Variants in ECHDC2 observed in about 807,000 individuals in gnomAD.
ECHDC2 encodes the protein enoyl-CoA hydratase domain-containing protein 2, mitochondrial.
ECHDC2 carries 34 observed loss-of-function variants against 40.6 expected under a neutral mutation model. The ratio of observed to expected loss-of-function variants is 0.84; its 90% CI spans 0.64 to 1.11. The LOEUF (loss-of-function observed/expected upper bound fraction) is 1.11, where lower values mean the gene tolerates loss of function less well. Ranked by LOEUF, ECHDC2 falls within the 50% of genes most tolerant of loss-of-function variation. The pLI is 0.00. For synonymous variants in ECHDC2, 162 were observed against 166.6 expected (o/e 0.97, Z 0.21); for missense variants, 392 against 400.7 (o/e 0.98, Z 0.19).
rs1451267361 is a variant in ECHDC2 at position 52,896,580 on chromosome 1, G to A, written c.819C>T (p.Asp273=). The A allele has an allele frequency of 6.2e-7, 1 of 1,614,072 alleles. No homozygotes were observed. The highest frequency in any genetic ancestry group is 8.5e-7 in the Non-Finnish European group (1 of 1,179,970). Residue 273 remains aspartate (D), a synonymous_variant, in exon 10 of 10, where the codon GAC becomes GAT. Transcript: ENST00000371522. ...TGAAGGCTGCCATGCCCTCTAGCCG[G>A]TCCCGGGTTGGAATATTCTGCAACA... The part of the protein sequence containing the change: ...MCYAQNIPTR[D]RLEGMAAFRE...
chr1:52,905,016 T>G lies in ECHDC2; in HGVS notation c.514+18A>C. On this transcript the variant is annotated intron_variant, in intron 6 of 9. Transcript: ENST00000371522. ...CCTGGATGGGGTGGAATTGGGCGGG[T>G]GCTGTAGTTGCGATTACCTGCCCCC... The G allele has an allele frequency of 6.2e-7, 1 of 1,614,058 alleles. No homozygotes were observed. Among genetic ancestry groups the G allele is most frequent in the Non-Finnish European group, 8.5e-7 (1 of 1,179,982 alleles).
chr1:52,896,615 A>G lies in ECHDC2; in HGVS notation c.802-18T>C, dbSNP rs746624976. ...GGAATATTCTGCAACAAGGTACAAA[A>G]TATTAGTTTTGGGGGAGCAGGGCCA... On this transcript the variant is annotated intron_variant, in intron 9 of 9. Coordinates refer to ENST00000371522, the MANE Select transcript of ECHDC2 (RefSeq NM_001198961.2). The G allele has an allele frequency of 2.5e-6, 4 of 1,611,104 alleles. No individual in the cohort carries two copies. In the South Asian group the frequency reaches 3.3e-5, roughly 13 times the overall value.
In ECHDC2 at chr1:52,921,727, C is replaced by G; in HGVS notation, c.-54G>C. 2 of 1,427,088 alleles carry G rather than the reference C, an allele frequency of 1.4e-6. No homozygotes were observed. Among genetic ancestry groups the G allele is most frequent in the Admixed American group, 3.0e-5 (1 of 33,504 alleles). 88.4% of individuals were successfully genotyped at this position (1,427,088 alleles called of 1,614,324 possible). ...TCTCCGGCCCTGCACCGTCTCGGCT[C>G]CCGCTGAGAGCTCGCAGTTCCGGCG... is the stretch of plus-strand genomic sequence containing the variant. On this transcript the variant is annotated 5_prime_UTR_variant, in exon 1 of 10. Coordinates refer to ENST00000371522, the MANE Select transcript of ECHDC2 (RefSeq NM_001198961.2).
chr1:52,906,460 TG>T, intron 5 of ECHDC2, 58 bp downstream of exon 5: 3 of 1,373,372 alleles, frequency 2.2e-6, no homozygotes, highest in Non-Finnish European at 1.0e-6. Flanking sequence ...AGACTCACCC[TG>T]TTTCACTCAC....
intron 1 of ECHDC2, chr1:52,915,031 C>G (rs183976804): frequency 8.7e-5 from 30 of 343,556 alleles, no homozygotes; most frequent in Non-Finnish European, 1.2e-5. Context: ...ACCATAAGGC[C>G]CCCCCAATCT....
intron 4 of ECHDC2, among the ~76,000 whole-genome samples, 157 bp from the exon 5 acceptor site, chr1:52,906,768 T>G (rs1647972770): frequency 6.7e-6 from 1 of 149,436 alleles, no homozygotes; most frequent in African/African-American, 2.5e-5. Flanking sequence ...TTAATTCTTT[T>G]TTTTTTTTTT....
intron 9 of ECHDC2, 69 bp downstream of exon 9, chr1:52,897,368 A>G (rs1256879197): frequency 6.7e-7 from 1 of 1,498,638 alleles, no homozygotes; most frequent in African/African-American, 1.4e-5. Context: ...TTGGTCATGT[A>G]CCATACAAAG....
intron 3 of ECHDC2, among the ~76,000 whole-genome samples, chr1:52,910,364 T>G (rs969076094): frequency 7.9e-5 from 8 of 101,228 alleles, no homozygotes; most frequent in East Asian, 4.2e-4. Context: ...TTTTTTTTTT[T>G]TTTTTTTTTT....
chr1:52,900,421 TGAA>T (rs1185979201), intron 7 of ECHDC2: 3 of 152,208 alleles, frequency 2.0e-5, no homozygotes, highest in Admixed American at 1.3e-4. Context: ...TTATATAAAA[TGAA>T]GGTTTTGTTT....
intron 1 of ECHDC2, chr1:52,920,744 T>TA (rs377364432): frequency 0.037 from 16,632 of 443,934 alleles, 32 homozygotes; most frequent in Middle Eastern, 0.078. Context: ...AAACTTTTGT[T>TA]AAAAAAAAAA....
rs1646709357 is a variant in ECHDC2, at chr1:52,897,463, C to T, written c.775G>A (p.Ala259Thr). The change falls in exon 9 of 10, where the codon GCC (alanine) becomes ACC (threonine). Residue 259 changes from alanine to threonine, a missense_variant. Coordinates refer to ENST00000371522, the MANE Select transcript of ECHDC2 (RefSeq NM_001198961.2). ...GTEVDIASGM[A>T]IEGMCYAQNI... ...TGGGCATAGCACATCCCTTCAATGG[C>T]CATCCCAGATGCAATGTCCACCTGC... 1.9e-6 allele frequency: 3 copies of T among 1,614,218 alleles called. No homozygotes were observed. The highest frequency in any genetic ancestry group is 1.7e-6 in the Non-Finnish European group (2 of 1,180,042).
At chr1:52,912,116 AAG>A in intron 1 of ECHDC2, 7 of 1,060,566 alleles carry the variant, frequency 6.6e-6, no homozygotes, top group Non-Finnish European at 8.6e-6. Context: ...ACACACACAC[AAG>A]CACACATGCA....
rs1177359765 is a variant in ECHDC2, at chr1:52,896,322, T to A, written c.*198A>T. The A allele has an allele frequency of 1.7e-6, 1 of 585,520 alleles. No individual in the cohort carries two copies. Among genetic ancestry groups the A allele is most frequent in the African/African-American group, 1.9e-5 (1 of 53,534 alleles). 36.3% of individuals were successfully genotyped at this position (585,520 alleles called of 1,614,324 possible). ...TGATTATTTCTAGCCAGGGTGAAGC[T>A]AAGGAAGGTAGCAGTAGGTGGTAGG... On this transcript the variant is annotated 3_prime_UTR_variant, in exon 10 of 10. Transcript: ENST00000371522.
chr1:52,910,356 T>TTTTTTTTTTTTTTTTTG (rs1649122334), intron 3 of ECHDC2, among the ~76,000 whole-genome samples: 1 of 37,826 alleles, frequency 2.6e-5, no homozygotes, highest in African/African-American at 1.1e-4. Context: ...AATTTCGTTT[T>TTTTTTTTTTTTTTTTTG]TTTTTTTTTT....
intron 3 of ECHDC2, 38 bp downstream of exon 3, chr1:52,911,528 C>T: frequency 6.2e-7 from 1 of 1,604,614 alleles, no homozygotes; most frequent in Non-Finnish European, 8.5e-7. Context: ...TGGTGGGCAC[C>T]CTGCAGAGCA....
chr1:52,909,900 A>T (rs1339023808), intron 3 of ECHDC2, among the ~76,000 whole-genome samples: 3 of 152,232 alleles, frequency 2.0e-5, no homozygotes. Flanking sequence ...CCAAAAGTGA[A>T]AACAACCCAA....
At chr1:52,921,750 G>GTTC (rs1372725547), upstream of ECHDC2, 2 of 1,422,658 alleles carry the variant, frequency 1.4e-6, no homozygotes, top group African/African-American at 3.0e-5. Context: ...CGCAGTTCCG[G>GTTC]CGTCGGGCGA....
intron 1 of ECHDC2, among the ~76,000 whole-genome samples, chr1:52,919,751 T>C (rs1299652250): frequency 6.6e-6 from 1 of 152,234 alleles, no homozygotes; most frequent in Non-Finnish European, 1.5e-5. Flanking sequence ...ACTCATTCCC[T>C]GTGAGGGCTC....
chr1:52,901,610 C>T (rs1224880395), intron 7 of ECHDC2: 3 of 152,074 alleles, frequency 2.0e-5, no homozygotes, highest in Non-Finnish European at 2.9e-5. Flanking sequence ...CTCTCCTATC[C>T]GGAAACCTTT....
Sources: gnomAD v4.1 joint callset for allele counts (sites outside exome capture counted in the v4.1 genomes callset) on GRCh38, gnomAD v4.1.1 for gene constraint, MANE v1.5 for transcripts, NCBI Gene and HGNC (gene_info 2026-07-23, HGNC 2026-07-21) for gene names.